Variants in ASH1L observed in about 807,000 individuals in gnomAD.
ASH1L encodes histone-lysine N-methyltransferase ASH1L.
Under a neutral mutation model 269.0 loss-of-function variants are expected in ASH1L, and 23 were observed. That is an observed-to-expected ratio of 0.09 (90% CI 0.06 to 0.12). The LOEUF is 0.12. ASH1L is among the 10% of genes least tolerant of loss of function. The pLI is 1.00. For missense variants in ASH1L, 2,912 were observed against 3,567.8 expected (o/e 0.82, Z 4.68); for synonymous variants, 1,187 against 1,253.5 (o/e 0.95, Z 1.12).
At chr1:155,423,146 G>A (rs1244881890) in intron 5 of ASH1L, among the ~76,000 whole-genome samples, 5 of 149,120 alleles carry the variant, frequency 3.4e-5, no homozygotes, top group Non-Finnish European at 4.5e-5. Context: ...ACAGTGTTTC[G>A]TCATGCTGGC....
chr1:155,552,386 A>C (rs1671279632), intron 1 of ASH1L, among the ~76,000 whole-genome samples: 1 of 152,156 alleles, frequency 6.6e-6, no homozygotes, highest in African/African-American at 2.4e-5. Context: ...GAATTGCTTG[A>C]GCCCAGGAGA....
At chr1:155,496,092 T>C (rs1203794043) in intron 2 of ASH1L, among the ~76,000 whole-genome samples, 1 of 152,250 alleles carries the variant, frequency 6.6e-6, no homozygotes, top group African/African-American at 2.4e-5. Context: ...TCTGACTCTT[T>C]TGTAGTAACA....
chr1:155,346,577 G>A (rs1380134610), intron 20 of ASH1L, 108 bp from the exon 21 acceptor site: 11 of 813,312 alleles, frequency 1.4e-5, no homozygotes, highest in Admixed American at 9.5e-5. Context: ...AGTAAAAGAG[G>A]AACTAAGGGA....
At chr1:155,347,058 T>C (rs1653409017) in intron 20 of ASH1L, among the ~76,000 whole-genome samples, 1 of 152,222 alleles carries the variant, frequency 6.6e-6, no homozygotes, top group South Asian at 2.1e-4. Flanking sequence ...TACTGTCATT[T>C]TCCTTGATCC....
intron 12 of ASH1L, among the ~76,000 whole-genome samples, chr1:155,362,305 A>T (rs1655036453): frequency 6.6e-6 from 1 of 151,902 alleles, no homozygotes; most frequent in Admixed American, 6.6e-5. Flanking sequence ...AAGTGCTGAG[A>T]TTACAGGCAT....
intron 1 of ASH1L, among the ~76,000 whole-genome samples, chr1:155,522,449 CTGT>C (rs1378637638): frequency 2.0e-5 from 3 of 152,158 alleles, no homozygotes; most frequent in South Asian, 2.1e-4. Context: ...CAAATAATCA[CTGT>C]TGTTATAAGA....
chr1:155,420,416 A>C (rs745861180), intron 5 of ASH1L, among the ~76,000 whole-genome samples: 3 of 151,334 alleles, frequency 2.0e-5, no homozygotes, highest in Non-Finnish European at 4.4e-5. Flanking sequence ...AAATGCTTAG[A>C]TATAAATCAA....
At chr1:155,539,663 G>T (rs1670290867) in intron 1 of ASH1L, among the ~76,000 whole-genome samples, 1 of 151,904 alleles carries the variant, frequency 6.6e-6, no homozygotes, top group Admixed American at 6.6e-5. Context: ...GCCCAGGCTG[G>T]TCTCGAACTC....
At chr1:155,495,910 A>G (rs1192617517) in intron 2 of ASH1L, among the ~76,000 whole-genome samples, 1 of 152,174 alleles carries the variant, frequency 6.6e-6, no homozygotes, top group Non-Finnish European at 1.5e-5. Flanking sequence ...AGGCAGGAGA[A>G]TTACTTGAAC....
chr1:155,515,866 A>C (rs1038978183), intron 2 of ASH1L, among the ~76,000 whole-genome samples: 18 of 151,308 alleles, frequency 1.2e-4, no homozygotes, highest in Non-Finnish European at 2.1e-4. Context: ...TGCATGGCCC[A>C]AAACTGCAAT....
chr1:155,517,324 C>A (rs1668561450), intron 2 of ASH1L, among the ~76,000 whole-genome samples: 2 of 151,898 alleles, frequency 1.3e-5, no homozygotes, highest in African/African-American at 4.8e-5. Flanking sequence ...CGGAGCAAGA[C>A]CCTCTCTCTT....
intron 2 of ASH1L, among the ~76,000 whole-genome samples, chr1:155,514,074 AT>A (rs1289971944): frequency 1.3e-5 from 2 of 152,234 alleles, no homozygotes; most frequent in Non-Finnish European, 2.9e-5. Flanking sequence ...GATTCTACTT[AT>A]ATGTGGTAAT....
chr1:155,554,628 T>TA (rs1207378742), intron 1 of ASH1L, among the ~76,000 whole-genome samples: 1 of 152,024 alleles, frequency 6.6e-6, no homozygotes, highest in Non-Finnish European at 1.5e-5. Flanking sequence ...AGGCTGGTCT[T>TA]AAACTCCTGG....
At chr1:155,420,050 A>G (rs1430957863) in intron 5 of ASH1L, among the ~76,000 whole-genome samples, 10 of 152,110 alleles carry the variant, frequency 6.6e-5, no homozygotes, top group African/African-American at 2.2e-4. Context: ...AGGCAGGGTG[A>G]CTCACTCCTA....
In ASH1L at chr1:155,479,041, G is replaced by T; in HGVS notation, c.3829C>A (p.Pro1277Thr). The T allele has an allele frequency of 6.2e-6, 10 of 1,613,904 alleles. No individual in the cohort carries two copies. Among genetic ancestry groups the T allele is most frequent in the Non-Finnish European group, 8.5e-6 (10 of 1,179,996 alleles). The change falls in exon 3 of 28, where the codon CCC (proline) becomes ACC (threonine). Residue 1277 changes from proline to threonine, a missense_variant. Pro to Thr is a conservative substitution (Grantham distance 38, BLOSUM62 -1). Coordinates refer to ENST00000392403, the MANE Select transcript of ASH1L (RefSeq NM_018489.3). ...RQKRKRKKKY[P>T]QLRNRQDPDF... is the part of the protein sequence containing the mutation. ...GGATCCTGTCTATTTCGAAGCTGGG[G>T]ATATTTCTTTTTCCGTTTTCGTTTC...
At chr1:155,341,758 T>C (rs1271192862) in intron 25 of ASH1L, among the ~76,000 whole-genome samples, 178 bp downstream of exon 25, 5 of 152,190 alleles carry the variant, frequency 3.3e-5, no homozygotes, top group Non-Finnish European at 7.3e-5. Flanking sequence ...AGATACAGTC[T>C]ATGTGAGGAA....
At chr1:155,390,544 A>G (rs556982511) in intron 7 of ASH1L, among the ~76,000 whole-genome samples, 2 of 152,274 alleles carry the variant, frequency 1.3e-5, no homozygotes, top group East Asian at 3.9e-4. Flanking sequence ...ATAGAACAAA[A>G]TTAATTCTAA....
chr1:155,463,792 T>TTAATAA (rs1053452588), intron 3 of ASH1L, among the ~76,000 whole-genome samples: 1 of 151,586 alleles, frequency 6.6e-6, no homozygotes, highest in Non-Finnish European at 1.5e-5. Context: ...GACCCTTGCC[T>TTAATAA]TAATAATAAT....
intron 5 of ASH1L, among the ~76,000 whole-genome samples, chr1:155,417,669 C>G (rs1022974249): frequency 2.6e-5 from 4 of 152,126 alleles, no homozygotes; most frequent in African/African-American, 9.7e-5. Flanking sequence ...GGAAGACTAG[C>G]CTTCACTGGT....
Sources: gnomAD v4.1 joint callset for allele counts (sites outside exome capture counted in the v4.1 genomes callset) on GRCh38, gnomAD v4.1.1 for gene constraint, MANE v1.5 for transcripts, NCBI Gene and HGNC (gene_info 2026-07-23, HGNC 2026-07-21) for gene names.